FHIP1A: variants seen among roughly 807,000 people sequenced by gnomAD.
The protein encoded by FHIP1A is FHF complex subunit HOOK-interacting protein 1A.
A neutral mutation model predicts 88.6 loss-of-function variants in FHIP1A; 61 were observed. That is an observed-to-expected ratio of 0.69 (90% CI 0.56 to 0.85). The LOEUF (loss-of-function observed/expected upper bound fraction) is 0.85. FHIP1A is among the 40% of genes least tolerant of loss of function. The pLI is 0.00. For missense variants in FHIP1A, 1,154 were observed against 1,273.5 expected (o/e 0.91, Z 1.43); for synonymous variants, 478 against 496.0 (o/e 0.96, Z 0.48).
intron 7 of FHIP1A, among the ~76,000 whole-genome samples, chr4:151,618,169 A>G (rs1017027597): frequency 1.3e-5 from 2 of 152,244 alleles, no homozygotes; most frequent in Non-Finnish European, 2.9e-5. Context: ...TTGGTTAAAT[A>G]GATGTGTCAA....
intron 3 of FHIP1A, among the ~76,000 whole-genome samples, chr4:151,557,386 A>T (rs1395316090): frequency 1.3e-5 from 2 of 152,230 alleles, no homozygotes; most frequent in Non-Finnish European, 2.9e-5. Context: ...AACTTAATTT[A>T]GAATAGTCTT....
At chr4:151,456,170 A>G (rs1443584154) in intron 2 of FHIP1A, among the ~76,000 whole-genome samples, 1 of 152,236 alleles carries the variant, frequency 6.6e-6, no homozygotes, top group Non-Finnish European at 1.5e-5. Context: ...TTAAACAACC[A>G]TAACTCTCTA....
chr4:151,507,832 C>T (rs1337413887), intron 3 of FHIP1A, among the ~76,000 whole-genome samples: 2 of 152,124 alleles, frequency 1.3e-5, no homozygotes, highest in East Asian at 3.8e-4. Flanking sequence ...GGATCAGGAG[C>T]TGAAAAGAAT....
intron 3 of FHIP1A, among the ~76,000 whole-genome samples, chr4:151,520,843 A>G (rs1333706594): frequency 6.6e-6 from 1 of 152,232 alleles, no homozygotes; most frequent in African/African-American, 2.4e-5. Context: ...GTAGAGAAGT[A>G]TAAAGAACAA....
At chr4:151,489,879 C>T (rs1018646074) in intron 3 of FHIP1A, among the ~76,000 whole-genome samples, 8 of 152,136 alleles carry the variant, frequency 5.3e-5, no homozygotes, top group Admixed American at 4.6e-4. Context: ...TTTTCCTCTC[C>T]CCGCCCTAGT....
chr4:151,478,991 A>T (rs776918949), intron 2 of FHIP1A, among the ~76,000 whole-genome samples: 2 of 152,104 alleles, frequency 1.3e-5, no homozygotes, highest in Non-Finnish European at 2.9e-5. Flanking sequence ...TCCCAAAGTC[A>T]TCCAAATTAC....
intron 13 of FHIP1A, among the ~76,000 whole-genome samples, chr4:151,660,765 T>TG (rs1291103944): frequency 6.6e-6 from 1 of 152,134 alleles, no homozygotes; most frequent in Admixed American, 6.5e-5. Flanking sequence ...GAATGACTTC[T>TG]GGGGGCAGGA....
intron 3 of FHIP1A, among the ~76,000 whole-genome samples, chr4:151,563,347 T>TA (rs934582828): frequency 2.7e-4 from 40 of 149,262 alleles, no homozygotes; most frequent in Middle Eastern, 3.4e-3. Flanking sequence ...TGAAGAAAGA[T>TA]AAAAAAAAAA....
intron 3 of FHIP1A, among the ~76,000 whole-genome samples, chr4:151,521,270 T>C (rs763400053): frequency 6.6e-6 from 1 of 152,232 alleles, no homozygotes; most frequent in Non-Finnish European, 1.5e-5. Flanking sequence ...GTGTTTGTGA[T>C]TCTTTTCTTG....
At chr4:151,476,789 A>G (rs897186922) in intron 2 of FHIP1A, among the ~76,000 whole-genome samples, 6 of 152,222 alleles carry the variant, frequency 3.9e-5, no homozygotes, top group African/African-American at 1.4e-4. Flanking sequence ...ATGATAATCT[A>G]TAAATGTGCC....
intron 1 of FHIP1A, among the ~76,000 whole-genome samples, chr4:151,433,664 C>T (rs945252160): frequency 8.5e-5 from 13 of 152,188 alleles, no homozygotes; most frequent in African/African-American, 3.1e-4. Flanking sequence ...TGGCCAGGAA[C>T]TTGCTCAAAG....
intron 1 of FHIP1A, among the ~76,000 whole-genome samples, chr4:151,439,761 T>A (rs1021536710): frequency 2.0e-5 from 3 of 152,224 alleles, no homozygotes; most frequent in Non-Finnish European, 2.9e-5. Context: ...GAAAAGGCAT[T>A]AACCAAACAC....
intron 11 of FHIP1A, among the ~76,000 whole-genome samples, chr4:151,655,544 C>G (rs554179131): frequency 7.2e-5 from 11 of 152,196 alleles, no homozygotes; most frequent in Admixed American, 2.0e-4. Flanking sequence ...AAACTGACAC[C>G]CTTTTCTCTC....
At chr4:151,465,629 A>G (rs1393300540) in intron 2 of FHIP1A, among the ~76,000 whole-genome samples, 1 of 152,246 alleles carries the variant, frequency 6.6e-6, no homozygotes, top group Non-Finnish European at 1.5e-5. Flanking sequence ...CCTCAATAAA[A>G]TACTGGCAAA....
chr4:151,621,342 C>T (rs1311599351), intron 7 of FHIP1A, among the ~76,000 whole-genome samples: 3 of 151,822 alleles, frequency 2.0e-5, no homozygotes, highest in African/African-American at 4.8e-5. Flanking sequence ...TTTGTTTGGG[C>T]AGATATGTGT....
chr4:151,661,806 T>C (rs918907369), intron 13 of FHIP1A, among the ~76,000 whole-genome samples: 4 of 152,236 alleles, frequency 2.6e-5, no homozygotes, highest in Admixed American at 2.0e-4. Flanking sequence ...TCCTTCAATA[T>C]AGGCTTCTAA....
At position 151,577,810 on chromosome 4, in the gene FHIP1A, C is replaced by G. The variant is rs1028774652; in HGVS notation, c.466C>G (p.Pro156Ala). 4.5e-6 allele frequency: 7 copies of G among 1,552,056 alleles called. No individual in the cohort carries two copies. Among genetic ancestry groups the G allele is most frequent in the Non-Finnish European group, 4.4e-6 (5 of 1,147,074 alleles). The part of the protein sequence containing the change: ...LLSSCSGTTT[P>A]TVEEKLVVLL... ...GAGCTCTTGTTCAGGAACAACCACC[C>G]CCACTGTGGAGGAGAAGCTGGTTGT... Residue 156 changes from proline (P) to alanine (A), a missense_variant, in exon 5 of 14, where the codon CCC becomes GCC. Pro to Ala is a conservative substitution (Grantham distance 27). Coordinates refer to ENST00000435205, the MANE Select transcript of FHIP1A (RefSeq NM_001109977.3).
chr4:151,592,828 G>A (rs1400926870), intron 7 of FHIP1A, among the ~76,000 whole-genome samples: 2 of 152,144 alleles, frequency 1.3e-5, no homozygotes, highest in African/African-American at 4.8e-5. Flanking sequence ...TAGTCCTGGA[G>A]TCTTTGCCCA....
chr4:151,498,834 A>G (rs1296548532), intron 3 of FHIP1A, among the ~76,000 whole-genome samples: 2 of 152,110 alleles, frequency 1.3e-5, no homozygotes, highest in Admixed American at 6.5e-5. Flanking sequence ...AAAAAAATAT[A>G]TGAAATATGG....
Sources: allele counts gnomAD v4.1 joint callset (sites outside exome capture counted in the v4.1 genomes callset), GRCh38; gene constraint gnomAD v4.1.1; transcripts MANE v1.5; gene names NCBI Gene and HGNC (gene_info 2026-07-23, HGNC 2026-07-21).